Variants in DAB1 observed in about 807,000 individuals in gnomAD.
DAB1 encodes DAB adaptor protein 1.
A neutral mutation model predicts 64.6 loss-of-function variants in DAB1; 15 were observed. That is an observed-to-expected ratio of 0.23 (90% confidence interval 0.16 to 0.36). The LOEUF is 0.36. DAB1 is among the 10% of genes least tolerant of loss of function. The probability of loss-of-function intolerance (pLI) is 1.00; values close to 1 mark genes in which losing one functional copy is unlikely to be tolerated. For synonymous variants in DAB1, 235 were observed against 251.9 expected (o/e 0.93, Z 0.64); for missense variants, 596 against 706.7 (o/e 0.84, Z 1.78).
chr1:57,776,854 A>G (rs1273380416), intron 6 of DAB1, among the ~76,000 whole-genome samples: 1 of 151,826 alleles, frequency 6.6e-6, no homozygotes, highest in Non-Finnish European at 1.5e-5. Context: ...AAAATTTAAA[A>G]TGAGGAAAGA....
At chr1:57,433,034 A>G (rs2101118091) in intron 7 of DAB1, among the ~76,000 whole-genome samples, 1 of 152,322 alleles carries the variant, frequency 6.6e-6, no homozygotes, top group African/African-American at 2.4e-5. Flanking sequence ...CTGCACCAAA[A>G]TTTACAAAAC....
At chr1:57,533,784 A>G (rs1270984580) in intron 7 of DAB1, among the ~76,000 whole-genome samples, 1 of 152,080 alleles carries the variant, frequency 6.6e-6, no homozygotes, top group African/African-American at 2.4e-5. Context: ...AATTTTATAT[A>G]CGGAGCAGGG....
At chr1:57,525,521 C>T (rs1644580551) in intron 7 of DAB1, among the ~76,000 whole-genome samples, 1 of 151,958 alleles carries the variant, frequency 6.6e-6, no homozygotes, top group Admixed American at 6.6e-5. Flanking sequence ...GACATACAAA[C>T]TGGGGCTCTA....
intron 1 of DAB1, among the ~76,000 whole-genome samples, chr1:57,865,268 C>A (rs1302538989): frequency 6.6e-6 from 1 of 152,176 alleles, no homozygotes; most frequent in African/African-American, 2.4e-5. Flanking sequence ...ACTTGGGAAA[C>A]AAGAGAGGAG....
chr1:57,236,287 T>C (rs941774699), intron 2 of DAB1, among the ~76,000 whole-genome samples: 1 of 152,176 alleles, frequency 6.6e-6, no homozygotes, highest in Non-Finnish European at 1.5e-5. Flanking sequence ...GATTCAAATG[T>C]GACTAACCCA....
intron 5 of DAB1, among the ~76,000 whole-genome samples, chr1:57,971,994 C>T (rs12037261): frequency 0.05 from 7,559 of 152,218 alleles, 353 homozygotes; most frequent in East Asian, 0.12. Flanking sequence ...GTCATAAATC[C>T]ATATGCACAC....
At chr1:57,174,743 C>T (rs1662122940) in intron 2 of DAB1, among the ~76,000 whole-genome samples, 1 of 152,146 alleles carries the variant, frequency 6.6e-6, no homozygotes, top group Admixed American at 6.5e-5. Flanking sequence ...CTACTCCGAA[C>T]AGGAATGCCA....
chr1:58,082,360 A>G (rs1650043955), intron 5 of DAB1, among the ~76,000 whole-genome samples: 1 of 152,170 alleles, frequency 6.6e-6, no homozygotes, highest in Non-Finnish European at 1.5e-5. Flanking sequence ...GCCTAATTCA[A>G]TAAGCATTAA....
At chr1:58,105,305 T>A (rs1479817519) in intron 5 of DAB1, among the ~76,000 whole-genome samples, 2 of 152,186 alleles carry the variant, frequency 1.3e-5, no homozygotes, top group Non-Finnish European at 2.9e-5. Context: ...CAAGACCCCA[T>A]CTGTAAACAC....
chr1:58,075,231 G>C (rs1035351377), intron 5 of DAB1, among the ~76,000 whole-genome samples: 1 of 152,184 alleles, frequency 6.6e-6, no homozygotes, highest in African/African-American at 2.4e-5. Flanking sequence ...AAGGTGGATT[G>C]AGAAGAAAAG....
At chr1:57,903,051 A>G (rs1197641634) in intron 5 of DAB1, among the ~76,000 whole-genome samples, 1 of 152,120 alleles carries the variant, frequency 6.6e-6, no homozygotes, top group African/African-American at 2.4e-5. Flanking sequence ...ATGTGTGCAG[A>G]GGAACTCCCC....
intron 7 of DAB1, among the ~76,000 whole-genome samples, chr1:57,631,479 T>G (rs967633823): frequency 3.3e-5 from 5 of 152,244 alleles, no homozygotes; most frequent in Non-Finnish European, 7.3e-5. Flanking sequence ...AAGTGCATTT[T>G]TCTAGTTTAT....
intron 2 of DAB1, among the ~76,000 whole-genome samples, chr1:57,232,570 T>C (rs1490375049): frequency 2.0e-5 from 3 of 152,162 alleles, no homozygotes; most frequent in Non-Finnish European, 2.9e-5. Context: ...TTAGAGATTA[T>C]TTAAATGCAC....
At chr1:57,933,182 T>C (rs1570020881) in intron 5 of DAB1, among the ~76,000 whole-genome samples, 2 of 152,322 alleles carry the variant, frequency 1.3e-5, no homozygotes, top group South Asian at 2.1e-4. Context: ...TCCAACAATT[T>C]ATCAATTACA....
chr1:57,584,430 T>C (rs971194110), intron 7 of DAB1, among the ~76,000 whole-genome samples: 2 of 152,206 alleles, frequency 1.3e-5, no homozygotes, highest in African/African-American at 4.8e-5. Context: ...TCTGCTAAGA[T>C]GCAGCAGATC....
At chr1:57,679,007 G>A (rs1328386533) in intron 6 of DAB1, among the ~76,000 whole-genome samples, 2 of 151,714 alleles carry the variant, frequency 1.3e-5, no homozygotes, top group South Asian at 2.1e-4. Flanking sequence ...TTCTGACCTC[G>A]TGATCCGCCT....
At chr1:57,927,523 C>CA (rs999819745) in intron 5 of DAB1, among the ~76,000 whole-genome samples, 12 of 151,894 alleles carry the variant, frequency 7.9e-5, no homozygotes, top group South Asian at 4.2e-4. Context: ...TTTAAAAAAT[C>CA]AAAAAAACAA....
chr1:58,169,058 C>T (rs566030815), intron 4 of DAB1, among the ~76,000 whole-genome samples: 9 of 152,310 alleles, frequency 5.9e-5, no homozygotes, highest in East Asian at 1.9e-4. Context: ...TCTGCTGCTA[C>T]GTTGATGAGT....
intron 2 of DAB1, among the ~76,000 whole-genome samples, chr1:57,236,383 C>T (rs913353787): frequency 1.7e-4 from 26 of 152,032 alleles, no homozygotes; most frequent in African/African-American, 6.3e-4. Flanking sequence ...ACCTGAAAAG[C>T]GCTACAGGAG....
Sources: allele counts gnomAD v4.1 joint callset (sites outside exome capture counted in the v4.1 genomes callset), GRCh38; gene constraint gnomAD v4.1.1; transcripts MANE v1.5; gene names NCBI Gene and HGNC (gene_info 2026-07-23, HGNC 2026-07-21).